PARD6G: variants seen among roughly 807,000 people sequenced by gnomAD.
The protein encoded by PARD6G is par-6 family cell polarity regulator gamma.
Under a neutral mutation model 10.7 loss-of-function variants are expected in PARD6G, and 7 were observed. That is an observed-to-expected ratio of 0.66 (90% CI 0.37 to 1.23). The LOEUF (loss-of-function observed/expected upper bound fraction) is 1.23, where lower values mean the gene tolerates loss of function less well. Among genes scored for constraint, PARD6G ranks in the 50% most tolerant of loss-of-function variants. The pLI is 0.02. For synonymous variants in PARD6G, 287 were observed against 269.4 expected, an observed-to-expected ratio of 1.07 and a Z score of -0.64; for missense variants, 548 against 571.8, an observed-to-expected ratio of 0.96 and a Z score of 0.42.
chr18:80,207,638 CTTT>C (rs1318185164), intron 1 of PARD6G, among the ~76,000 whole-genome samples: 1 of 152,132 alleles, frequency 6.6e-6, no homozygotes, highest in Non-Finnish European at 1.5e-5. Flanking sequence ...CATATTAGCT[CTTT>C]TTAAGTGTAC....
At chr18:80,211,829 TTA>T (rs1967111406) in intron 1 of PARD6G, among the ~76,000 whole-genome samples, 1 of 152,126 alleles carries the variant, frequency 6.6e-6, no homozygotes, top group Non-Finnish European at 1.5e-5. Flanking sequence ...ATGATTCCAC[TTA>T]TATGAGGTAA....
At chr18:80,232,185 G>A (rs1422363484) in intron 1 of PARD6G, among the ~76,000 whole-genome samples, 2 of 142,016 alleles carry the variant, frequency 1.4e-5, no homozygotes. Context: ...CGCCCCCCAA[G>A]CCACACAATT....
chr18:80,172,143 C>T (rs898542703), intron 2 of PARD6G, among the ~76,000 whole-genome samples: 1 of 152,122 alleles, frequency 6.6e-6, no homozygotes, highest in Non-Finnish European at 1.5e-5. Context: ...ATTTTCTATT[C>T]CCCCCAGCAG....
chr18:80,160,569 C>T lies in PARD6G; in HGVS notation c.333G>A (p.Leu111=). ...AERGSLGAGS[L]CRRRRALGAL... ...CGCCCAGCGCCCGCCTCCGCCTGCACAGCGAGCCCGCGCCGAGGCTGCCAC... is the reference window on the plus strand; with the variant it reads ...CGCCCAGCGCCCGCCTCCGCCTGCATAGCGAGCCCGCGCCGAGGCTGCCAC... Residue 111 remains leucine (L), a synonymous_variant, in exon 3 of 3, where the codon CTG becomes CTA. Transcript: ENST00000353265. 1 of 1,467,486 alleles carries T rather than the reference C, an allele frequency of 6.8e-7. No individual in the cohort carries two copies. The highest frequency in any genetic ancestry group is 9.0e-7 in the Non-Finnish European group (1 of 1,113,060). The allele number at this position is 1,467,486 out of a possible 1,614,324, so 90.9% of individuals were successfully genotyped here. A position where few individuals can be genotyped will look rare whatever the true frequency, so the allele number is the denominator to read the frequency against.
intron 1 of PARD6G, among the ~76,000 whole-genome samples, chr18:80,227,332 A>G (rs1464097986): frequency 2.6e-5 from 4 of 152,216 alleles, no homozygotes; most frequent in Non-Finnish European, 5.9e-5. Flanking sequence ...AAGACAGGAC[A>G]AGGTTTGAGC....
rs1444916475 is a variant in PARD6G, at chr18:80,182,115, C to A, written c.295+20595G>T. Among the ~76,000 whole-genome samples the A allele has an allele frequency of 1.3e-5, 2 of 152,228 alleles. No homozygotes were observed. The highest frequency in any genetic ancestry group is 2.9e-5 in the Non-Finnish European group (2 of 68,052). On this transcript the variant is annotated intron_variant, in intron 2 of 2. Transcript: ENST00000353265. The surrounding 1 kb of genome is among the most constrained non-coding windows in gnomAD (Gnocchi z 4.5). ...TCTCACCCCAAGCTCCCCAGCTGCTCACCCACAGTGCTCTGGGCCCCTCCC... is the reference window on the plus strand; with the variant it reads ...TCTCACCCCAAGCTCCCCAGCTGCTAACCCACAGTGCTCTGGGCCCCTCCC...
intron 1 of PARD6G, among the ~76,000 whole-genome samples, chr18:80,215,327 TA>T (rs1453594373): frequency 5.3e-5 from 8 of 152,168 alleles, no homozygotes; most frequent in African/African-American, 1.4e-4. Context: ...AGAGCACTGT[TA>T]AAAGTAACTA....
At chr18:80,199,380 C>T (rs2145278501) in intron 2 of PARD6G, among the ~76,000 whole-genome samples, 1 of 152,354 alleles carries the variant, frequency 6.6e-6, no homozygotes, top group South Asian at 2.1e-4. Flanking sequence ...TAACATTCCA[C>T]TGCATGACTA....
chr18:80,209,798 T>G (rs571218018), intron 1 of PARD6G, among the ~76,000 whole-genome samples: 3 of 152,282 alleles, frequency 2.0e-5, no homozygotes, highest in South Asian at 4.1e-4. Context: ...GATGACAGAG[T>G]AAGACCCTGT....
rs892271050 is a variant in PARD6G, at chr18:80,224,803, C to T, written c.73-21871G>A. ...CGGAGGTTGCAGTGAGCCGAGATCG[C>T]GCCACTGCTCTCCAGCCTGGTCGAC... On this transcript the variant is annotated intron_variant, in intron 1 of 2. Transcript: ENST00000353265. Among the ~76,000 whole-genome samples, 17 of 151,824 alleles carry T rather than the reference C, an allele frequency of 1.1e-4. 1 individual carries two copies. Among genetic ancestry groups the T allele is most frequent in the Non-Finnish European group, 1.9e-4 (13 of 67,982 alleles).
intron 1 of PARD6G, among the ~76,000 whole-genome samples, chr18:80,217,519 GATAGCATGT>G (rs1967182324): frequency 6.6e-6 from 1 of 152,164 alleles, no homozygotes; most frequent in Non-Finnish European, 1.5e-5. Context: ...AAGTAATGTT[GATAGCATGT>G]ATCTTGATAT....
intron 2 of PARD6G, among the ~76,000 whole-genome samples, chr18:80,197,031 A>G: frequency 6.6e-6 from 1 of 152,072 alleles, no homozygotes; most frequent in East Asian, 1.9e-4. Context: ...GTCTGTTCCC[A>G]TAAGCACATG....
At chr18:80,174,462 C>T (rs1347230435) in intron 2 of PARD6G, among the ~76,000 whole-genome samples, 1 of 152,096 alleles carries the variant, frequency 6.6e-6, no homozygotes, top group East Asian at 1.9e-4. Context: ...ACCACCGCAC[C>T]TGCCCACAAG....
chr18:80,227,171 G>A (rs550654412), intron 1 of PARD6G, among the ~76,000 whole-genome samples: 20 of 152,150 alleles, frequency 1.3e-4, no homozygotes, highest in Non-Finnish European at 2.8e-4. Context: ...CATGTAGCTA[G>A]GGCTAGTCTT....
At chr18:80,215,091 C>T (rs1177205889) in intron 1 of PARD6G, among the ~76,000 whole-genome samples, 1 of 151,230 alleles carries the variant, frequency 6.6e-6, no homozygotes, top group Non-Finnish European at 1.5e-5. Context: ...TTGGGGAAGG[C>T]AGTGGGGATA....
chr18:80,160,942 A>C (rs1455590939), intron 2 of PARD6G, among the ~76,000 whole-genome samples: 1 of 152,236 alleles, frequency 6.6e-6, no homozygotes, highest in Non-Finnish European at 1.5e-5. Flanking sequence ...TCTGGGAGGC[A>C]GCAGGCTGGA....
At chr18:80,208,788 G>A (rs1967080194) in intron 1 of PARD6G, among the ~76,000 whole-genome samples, 1 of 152,038 alleles carries the variant, frequency 6.6e-6, no homozygotes, top group South Asian at 2.1e-4. Context: ...GCTGTGCCTG[G>A]CCTAGGTTAG....
chr18:80,209,550 C>T (rs764623842), intron 1 of PARD6G, among the ~76,000 whole-genome samples: 1 of 152,034 alleles, frequency 6.6e-6, no homozygotes, highest in Non-Finnish European at 1.5e-5. Context: ...GTGGCTCACA[C>T]CTGTAATCCC....
At chr18:80,177,824 C>A (rs944083279) in intron 2 of PARD6G, among the ~76,000 whole-genome samples, 1 of 151,414 alleles carries the variant, frequency 6.6e-6, no homozygotes, top group Non-Finnish European at 1.5e-5. Context: ...CATGCAAACA[C>A]ACACAGGAAA....
Sources: gnomAD v4.1 joint callset for allele counts (sites outside exome capture counted in the v4.1 genomes callset) on GRCh38, gnomAD v4.1.1 for gene constraint, Gnocchi (gnomAD v3.1) non-coding constraint, MANE v1.5 for transcripts, NCBI Gene and HGNC (gene_info 2026-07-23, HGNC 2026-07-21) for gene names.